KCNJ3: variants seen among roughly 807,000 people sequenced by gnomAD.
KCNJ3 encodes the protein potassium inwardly rectifying channel subfamily J member 3.
A neutral mutation model predicts 39.2 loss-of-function variants in KCNJ3; 4 were observed. The observed-to-expected ratio is 0.10, with a 90% confidence interval of 0.05 to 0.23. KCNJ3 has a LOEUF of 0.23. Among genes scored for constraint, KCNJ3 ranks in the 10% least tolerant of loss-of-function variants. The pLI is 1.00. For missense variants in KCNJ3, 276 were observed against 634.9 expected (o/e 0.43, Z 6.08); for synonymous variants, 230 against 237.4 (o/e 0.97, Z 0.29).
intron 2 of KCNJ3, among the ~76,000 whole-genome samples, chr2:154,748,629 A>G (rs904321414): frequency 2.7e-5 from 4 of 150,220 alleles, no homozygotes; most frequent in African/African-American, 1.0e-4. Context: ...ACTGAACACT[A>G]TCAGTCATAC....
intron 2 of KCNJ3, among the ~76,000 whole-genome samples, chr2:154,769,056 A>C (rs1051884685): frequency 2.6e-5 from 4 of 152,164 alleles, no homozygotes; most frequent in Admixed American, 6.5e-5. Context: ...GACTTTGCTG[A>C]AGTTGCTTTT....
intron 2 of KCNJ3, among the ~76,000 whole-genome samples, chr2:154,847,979 C>T (rs990784406): frequency 6.6e-6 from 1 of 152,146 alleles, no homozygotes; most frequent in Non-Finnish European, 1.5e-5. Context: ...AATCTCTTCA[C>T]TTCAGATCCT....
intron 2 of KCNJ3, among the ~76,000 whole-genome samples, chr2:154,728,894 A>T (rs928259740): frequency 1.3e-5 from 2 of 152,158 alleles, no homozygotes; most frequent in Non-Finnish European, 2.9e-5. Flanking sequence ...AATTAACAAT[A>T]TTAAGATATT....
chr2:154,786,585 T>C (rs1251663056), intron 2 of KCNJ3, among the ~76,000 whole-genome samples: 2 of 152,170 alleles, frequency 1.3e-5, no homozygotes, highest in African/African-American at 2.4e-5. Context: ...CAATCTTCTA[T>C]ATTGTACCAG....
intron 2 of KCNJ3, among the ~76,000 whole-genome samples, chr2:154,795,845 C>T (rs1037091): frequency 0.37 from 56,593 of 151,790 alleles, 10,886 homozygotes; most frequent in East Asian, 0.51. Context: ...ATCATCACAG[C>T]GTAAGGAAAT....
At chr2:154,825,784 G>GCCCAGGCTGGTCTCA (rs1175708338) in intron 2 of KCNJ3, among the ~76,000 whole-genome samples, 3 of 100,262 alleles carry the variant, frequency 3.0e-5, no homozygotes, top group Admixed American at 2.3e-4. Context: ...TCACTATGTT[G>GCCCAGGCTGGTCTCA]CCCAGGCTGG....
At chr2:154,798,134 C>T (rs1686752064) in intron 2 of KCNJ3, among the ~76,000 whole-genome samples, 2 of 151,600 alleles carry the variant, frequency 1.3e-5, no homozygotes, top group African/African-American at 2.4e-5. Context: ...CACATATACA[C>T]ACTACACACA....
chr2:154,706,296 A>G (rs538343827), intron 1 of KCNJ3, among the ~76,000 whole-genome samples: 1 of 152,244 alleles, frequency 6.6e-6, no homozygotes, highest in African/African-American at 2.4e-5. Flanking sequence ...TCATCAACAA[A>G]TTGCTCTATC....
chr2:154,746,365 G>C (rs967518689), intron 2 of KCNJ3, among the ~76,000 whole-genome samples: 2 of 151,424 alleles, frequency 1.3e-5, no homozygotes, highest in African/African-American at 4.8e-5. Context: ...ATTGTTTAAG[G>C]GTGAACTGTA....
At chr2:154,740,489 C>T (rs1685633908) in intron 2 of KCNJ3, among the ~76,000 whole-genome samples, 1 of 151,808 alleles carries the variant, frequency 6.6e-6, no homozygotes, top group African/African-American at 2.4e-5. Context: ...TGACTGTTGC[C>T]TTTTTAGAGA....
At chr2:154,839,109 C>G (rs1201500878) in intron 2 of KCNJ3, among the ~76,000 whole-genome samples, 1 of 152,156 alleles carries the variant, frequency 6.6e-6, no homozygotes, top group East Asian at 1.9e-4. Flanking sequence ...CCCCCACCTC[C>G]CGATAGGCCC....
chr2:154,735,253 C>CT (rs1342313816), intron 2 of KCNJ3, among the ~76,000 whole-genome samples: 27 of 140,976 alleles, frequency 1.9e-4, no homozygotes, highest in East Asian at 6.3e-4. Flanking sequence ...TGCCTGGCTA[C>CT]TTTTTTTTTT....
At chr2:154,762,022 T>G (rs2105189602) in intron 2 of KCNJ3, among the ~76,000 whole-genome samples, 1 of 152,124 alleles carries the variant, frequency 6.6e-6, no homozygotes, top group Non-Finnish European at 1.5e-5. Flanking sequence ...GAGAATAGAT[T>G]AATGGGGCCA....
intron 2 of KCNJ3, among the ~76,000 whole-genome samples, chr2:154,725,933 ATC>A (rs1685348580): frequency 6.6e-6 from 1 of 152,140 alleles, no homozygotes; most frequent in Admixed American, 6.5e-5. Flanking sequence ...CTTGATCCTC[ATC>A]TCTCATCTTT....
chr2:154,706,000 A>G (rs187295415), intron 1 of KCNJ3, among the ~76,000 whole-genome samples: 2 of 152,192 alleles, frequency 1.3e-5, no homozygotes, highest in Admixed American at 6.5e-5. Context: ...AATCATTTTT[A>G]TTCACTTTCT....
intron 2 of KCNJ3, among the ~76,000 whole-genome samples, chr2:154,802,971 T>C (rs1431496874): frequency 6.6e-6 from 1 of 152,054 alleles, no homozygotes; most frequent in Non-Finnish European, 1.5e-5. Context: ...TTAAATGGTA[T>C]CTTCAAGGCT....
At chr2:154,717,772 G>T (rs576065721) in intron 2 of KCNJ3, among the ~76,000 whole-genome samples, 5 of 152,068 alleles carry the variant, frequency 3.3e-5, no homozygotes, top group Admixed American at 6.6e-5. Context: ...AAAAATTGAG[G>T]TGTACCTGTA....
At chr2:154,735,318 G>A (rs1392836628) in intron 2 of KCNJ3, among the ~76,000 whole-genome samples, 8 of 147,852 alleles carry the variant, frequency 5.4e-5, no homozygotes, top group African/African-American at 1.8e-4. Flanking sequence ...GTTTTACCGC[G>A]TTAGCCAGGA....
intron 2 of KCNJ3, among the ~76,000 whole-genome samples, chr2:154,848,518 C>T (rs1454875629): frequency 1.3e-5 from 2 of 152,046 alleles, no homozygotes; most frequent in Non-Finnish European, 2.9e-5. Context: ...GAAGATGATT[C>T]ATTCATTATT....
Sources: gnomAD v4.1 joint callset for allele counts (sites outside exome capture counted in the v4.1 genomes callset) on GRCh38, gnomAD v4.1.1 for gene constraint, MANE v1.5 for transcripts, NCBI Gene and HGNC (gene_info 2026-07-23, HGNC 2026-07-21) for gene names.